PARP8: variants seen among roughly 807,000 people sequenced by gnomAD.
PARP8 encodes the protein poly(ADP-ribose) polymerase family member 8.
A neutral mutation model predicts 124.1 loss-of-function variants in PARP8; 51 were observed. The observed-to-expected ratio is 0.41, with a 90% CI of 0.33 to 0.52. PARP8 has a LOEUF of 0.52. Ranked by LOEUF, PARP8 falls within the 20% of genes least tolerant of loss-of-function variation. The pLI is 0.21. For synonymous variants in PARP8, 391 were observed against 361.5 expected, an observed-to-expected ratio of 1.08 and a Z score of -0.93; for missense variants, 860 against 1,018.9, an observed-to-expected ratio of 0.84 and a Z score of 2.12.
intron 2 of PARP8, among the ~76,000 whole-genome samples, chr5:50,692,864 G>A (rs1417676036): frequency 6.6e-6 from 1 of 151,944 alleles, no homozygotes; most frequent in Non-Finnish European, 1.5e-5. Context: ...TATAATTATT[G>A]GTTTTCCTGC....
At chr5:50,799,432 G>A (rs1034226206) in intron 14 of PARP8, among the ~76,000 whole-genome samples, 11 of 152,174 alleles carry the variant, frequency 7.2e-5, no homozygotes, top group African/African-American at 1.9e-4. Context: ...CTGCATGTCT[G>A]TCCTTAGGCC....
At chr5:50,784,701 T>C (rs776802099) in intron 9 of PARP8, among the ~76,000 whole-genome samples, 3 of 152,146 alleles carry the variant, frequency 2.0e-5, no homozygotes, top group African/African-American at 4.8e-5. Flanking sequence ...TAACTTTTCT[T>C]ATAAAAGAAC....
intron 2 of PARP8, among the ~76,000 whole-genome samples, chr5:50,700,307 A>G (rs180685781): frequency 2.7e-4 from 41 of 152,322 alleles, no homozygotes; most frequent in African/African-American, 9.4e-4. Context: ...TGAGAGGATA[A>G]AGCTTCTCTG....
intron 14 of PARP8, among the ~76,000 whole-genome samples, chr5:50,801,203 T>G (rs1156893746): frequency 6.6e-6 from 1 of 152,032 alleles, no homozygotes; most frequent in Non-Finnish European, 1.5e-5. Flanking sequence ...CGGGTTCAAG[T>G]GATTCTCCTG....
chr5:50,797,610 T>A (rs1742707151), intron 14 of PARP8, among the ~76,000 whole-genome samples: 1 of 152,160 alleles, frequency 6.6e-6, no homozygotes. Flanking sequence ...ATGCTGAATA[T>A]GTGAGAGGAG....
rs1753009592 is a variant in PARP8, at chr5:50,696,225, G to T, written c.146+28100G>T. Among the ~76,000 whole-genome samples, 2 of 152,028 alleles carry T rather than the reference G, an allele frequency of 1.3e-5. 1 individual carries two copies. The highest frequency in any genetic ancestry group is 4.2e-4 in the South Asian group (2 of 4,808). On this transcript the variant is annotated intron_variant, in intron 2 of 25. Transcript: ENST00000281631. Reference sequence around the variant, plus strand: ...TATCATCACTTTTTAGACTGTTTGGGCTGTTTTACAGAAATAGCAAAAAGA... The same window carrying T: ...TATCATCACTTTTTAGACTGTTTGGTCTGTTTTACAGAAATAGCAAAAAGA...
chr5:50,815,848 A>T (rs1418861342), intron 15 of PARP8, among the ~76,000 whole-genome samples: 1 of 152,198 alleles, frequency 6.6e-6, no homozygotes, highest in African/African-American at 2.4e-5. Flanking sequence ...TGTAAAGATA[A>T]CTGCCATAAA....
rs201203885 is a variant in PARP8, at chr5:50,794,336, G to A, written c.863+4G>A. The A allele has an allele frequency of 1.6e-5, 26 of 1,612,114 alleles. No individual in the cohort carries two copies. In the East Asian group the frequency reaches 5.6e-4, roughly 35 times the overall value. ...ATTTATTTTCTACTTTGCGCAGGTT[G>A]GTAACAGGCAACTTCGTCATTGTCT... On this transcript the variant is annotated splice_donor_region_variant and intron_variant, in intron 11 of 25. Transcript: ENST00000281631.
intron 15 of PARP8, among the ~76,000 whole-genome samples, chr5:50,818,186 C>A (rs948064257): frequency 1.4e-4 from 21 of 145,050 alleles, no homozygotes; most frequent in Middle Eastern, 3.6e-3. Context: ...GCCCCCCCCC[C>A]CCCAAAAAAA....
chr5:50,784,702 A>T (rs1290757816), intron 9 of PARP8, among the ~76,000 whole-genome samples: 1 of 152,126 alleles, frequency 6.6e-6, no homozygotes, highest in African/African-American at 2.4e-5. Context: ...AACTTTTCTT[A>T]TAAAAGAACA....
Position 50,841,959 on chromosome 5 carries a change from A to C in PARP8, c.2463-7A>C, listed in dbSNP as rs1204476271. The C allele has an allele frequency of 1.9e-6, 3 of 1,561,504 alleles. No homozygotes were observed. The highest frequency in any genetic ancestry group is 2.6e-6 in the Non-Finnish European group (3 of 1,143,344). ...ATGTTTTTATATTTTTATGTTTTGT[A>C]TTTCAGCTATGAAGACGGCCAAGTG... On this transcript the variant is annotated splice_region_variant and splice_polypyrimidine_tract_variant and intron_variant, in intron 25 of 25. Coordinates refer to ENST00000281631, the MANE Select transcript of PARP8 (RefSeq NM_024615.4).
intron 2 of PARP8, among the ~76,000 whole-genome samples, chr5:50,700,142 C>G (rs1753441011): frequency 6.6e-6 from 1 of 152,112 alleles, no homozygotes; most frequent in Non-Finnish European, 1.5e-5. Context: ...ATTACTTGTC[C>G]TCTTTCCTTT....
chr5:50,708,054 A>T (rs542740670), intron 2 of PARP8, among the ~76,000 whole-genome samples: 1 of 152,164 alleles, frequency 6.6e-6, no homozygotes, highest in Non-Finnish European at 1.5e-5. Flanking sequence ...TATTTTTCCT[A>T]TAGTTAAAAA....
At chr5:50,812,770 A>T (rs375324924) in intron 14 of PARP8, among the ~76,000 whole-genome samples, 1 of 151,398 alleles carries the variant, frequency 6.6e-6, no homozygotes. Context: ...TAATTTTTGT[A>T]TAAGGTGTAA....
chr5:50,719,844 C>T (rs1305420338), intron 2 of PARP8, among the ~76,000 whole-genome samples: 1 of 151,948 alleles, frequency 6.6e-6, no homozygotes, highest in Non-Finnish European at 1.5e-5. Context: ...CCGTTGGTAA[C>T]AAAACACGCA....
Position 50,826,738 on chromosome 5 carries a change from G to A in PARP8, c.1929-17G>A, listed in dbSNP as rs765089109. 4 of 1,574,976 alleles carry A rather than the reference G, an allele frequency of 2.5e-6. No individual in the cohort carries two copies. The highest frequency in any genetic ancestry group is 4.7e-5 in the East Asian group (2 of 42,844). ...ATTTGGCATGTATTTGTGACTAATG[G>A]ATCATTTTAATTTCAGGGTTATATC... On this transcript the variant is annotated splice_polypyrimidine_tract_variant and intron_variant, in intron 18 of 25. Transcript: ENST00000281631.
intron 7 of PARP8, among the ~76,000 whole-genome samples, chr5:50,775,717 A>G (rs1739931182): frequency 6.6e-6 from 1 of 152,140 alleles, no homozygotes; most frequent in East Asian, 1.9e-4. Context: ...GGTGTACAGA[A>G]ACTACTGATT....
intron 25 of PARP8, among the ~76,000 whole-genome samples, chr5:50,837,461 A>G (rs1561452496): frequency 6.6e-6 from 1 of 152,172 alleles, no homozygotes; most frequent in Non-Finnish European, 1.5e-5. Flanking sequence ...TGAAGATAAG[A>G]CAAAAACTCA....
At chr5:50,834,730 T>C in intron 24 of PARP8, 1 of 583,750 alleles carries the variant, frequency 1.7e-6, no homozygotes, top group South Asian at 1.9e-5. Context: ...CAGTTGTTAT[T>C]CAAATTATAA....
Sources: allele counts gnomAD v4.1 joint callset (sites outside exome capture counted in the v4.1 genomes callset), GRCh38; gene constraint gnomAD v4.1.1; transcripts MANE v1.5; gene names NCBI Gene and HGNC (gene_info 2026-07-23, HGNC 2026-07-21).